The following GAB1 variants were observed in gnomAD, a reference collection of about 807,000 sequenced individuals.
GAB1 encodes the protein GRB2 associated binding protein 1, also known as GRB2-associated-binding protein 1.
Under a neutral mutation model 66.5 loss-of-function variants are expected in GAB1, and 19 were observed. The observed-to-expected ratio is 0.29, with a 90% CI of 0.20 to 0.42. The LOEUF is 0.42. GAB1 is among the 10% of genes least tolerant of loss of function. The probability of loss-of-function intolerance (pLI) is 1.00; values close to 1 mark genes in which losing one functional copy is unlikely to be tolerated. For synonymous variants in GAB1, 294 were observed against 301.4 expected, an observed-to-expected ratio of 0.98 and a Z score of 0.25; for missense variants, 732 against 858.5, an observed-to-expected ratio of 0.85 and a Z score of 1.84.
intron 1 of GAB1, among the ~76,000 whole-genome samples, chr4:143,376,563 C>T (rs770150543): frequency 1.3e-5 from 2 of 152,146 alleles, no homozygotes; most frequent in Non-Finnish European, 2.9e-5. Flanking sequence ...CAAAAAATGA[C>T]TTGCTTTCTA....
chr4:143,439,954 T>C, intron 5 of GAB1, 67 bp downstream of exon 5: 1 of 1,393,982 alleles, frequency 7.2e-7, no homozygotes, highest in Non-Finnish European at 1.0e-6. Context: ...ATTAGTGCCA[T>C]GAGACTAAGT....
intron 1 of GAB1, among the ~76,000 whole-genome samples, chr4:143,350,966 G>A (rs1406632497): frequency 2.0e-5 from 3 of 152,158 alleles, no homozygotes; most frequent in Non-Finnish European, 2.9e-5. Flanking sequence ...ATGCAATGGG[G>A]ATGTGCTCAC....
At chr4:143,352,553 C>A (rs576073273) in intron 1 of GAB1, among the ~76,000 whole-genome samples, 40 of 152,270 alleles carry the variant, frequency 2.6e-4, no homozygotes, top group African/African-American at 9.4e-4. Flanking sequence ...CCTTAAACTT[C>A]AGTGTGCATA....
chr4:143,432,670 T>G (rs935424474), intron 2 of GAB1, among the ~76,000 whole-genome samples: 1 of 152,188 alleles, frequency 6.6e-6, no homozygotes, highest in Non-Finnish European at 1.5e-5. Context: ...CTTCTATTCC[T>G]AAACAGACTA....
intron 2 of GAB1, among the ~76,000 whole-genome samples, chr4:143,428,032 T>C (rs1237503716): frequency 6.6e-6 from 1 of 152,238 alleles, no homozygotes; most frequent in East Asian, 1.9e-4. Flanking sequence ...GGTGGGAATA[T>C]GTGCTCTTAC....
chr4:143,390,799 A>C (rs1170848674), intron 1 of GAB1, among the ~76,000 whole-genome samples: 1 of 152,170 alleles, frequency 6.6e-6, no homozygotes, highest in Admixed American at 6.5e-5. Context: ...TCAGGCACCC[A>C]GATTTCTTCC....
intron 1 of GAB1, among the ~76,000 whole-genome samples, chr4:143,369,172 C>T (rs1288853298): frequency 6.6e-6 from 1 of 151,906 alleles, no homozygotes; most frequent in Non-Finnish European, 1.5e-5. Context: ...AACTCCTGGC[C>T]TCAGGTGATC....
chr4:143,337,139 G>A lies in GAB1; in HGVS notation c.-50G>A, dbSNP rs1728677816. 2.0e-6 allele frequency: 3 copies of A among 1,514,166 alleles called. No homozygotes were observed. Among genetic ancestry groups the A allele is most frequent in the Non-Finnish European group, 2.7e-6 (3 of 1,116,598 alleles). 93.8% of individuals were successfully genotyped at this position (1,514,166 alleles called of 1,614,324 possible). A position where few individuals can be genotyped will look rare whatever the true frequency, so the allele number is the denominator to read the frequency against. ...GGCAGGCGTCGGCTGTGTCGGGAGC[G>A]CGCCCGCCGCCCCTCAGCTGCCCGG... On this transcript the variant is annotated 5_prime_UTR_variant, in exon 1 of 10. Transcript: ENST00000262994.
In GAB1 at chr4:143,416,051, A is replaced by G. The variant is rs111702780; in HGVS notation, c.367+280A>G. On this transcript the variant is annotated intron_variant, in intron 2 of 9. Transcript: ENST00000262994. ...TTAAGAACATTTATTGAATTCCAAT[A>G]TAAATATTCAGTTTAACCATATAAC... 1.9e-3 allele frequency among the ~76,000 whole-genome samples: 282 copies of G among 152,312 alleles called. 2 individuals are homozygous for G. Among genetic ancestry groups the G allele is most frequent in the African/African-American group, 6.4e-3 (267 of 41,566 alleles).
At chr4:143,373,458 T>C (rs1730238695) in intron 1 of GAB1, among the ~76,000 whole-genome samples, 1 of 152,230 alleles carries the variant, frequency 6.6e-6, no homozygotes, top group African/African-American at 2.4e-5. Context: ...TTCTGCATTT[T>C]ATCCAAACAT....
intron 1 of GAB1, among the ~76,000 whole-genome samples, chr4:143,352,207 A>G (rs144906067): frequency 6.6e-6 from 1 of 152,328 alleles, no homozygotes; most frequent in Non-Finnish European, 1.5e-5. Context: ...CTTGGCTGCA[A>G]TATCACCATT....
rs77456794 is a variant in GAB1 at position 143,361,627 on chromosome 4, T to C, written c.72+24367T>C. 2.0e-3 allele frequency among the ~76,000 whole-genome samples: 312 copies of C among 152,310 alleles called. 2 individuals are homozygous for C. Among genetic ancestry groups the C allele is most frequent in the African/African-American group, 7.1e-3 (295 of 41,572 alleles). On this transcript the variant is annotated intron_variant, in intron 1 of 9. Transcript: ENST00000262994. ...TGCTGAACTGATCTGGGGAATATAT[T>C]GCCACTGCCTCCTGGCACATGATCA...
intron 2 of GAB1, among the ~76,000 whole-genome samples, chr4:143,422,582 T>C (rs1733086040): frequency 1.3e-5 from 2 of 152,196 alleles, no homozygotes; most frequent in Admixed American, 1.3e-4. Context: ...TAAGTAATTA[T>C]TTTGAATGTT....
intron 3 of GAB1, 51 bp from the exon 4 acceptor site, chr4:143,437,948 G>A (rs1410072319): frequency 6.6e-7 from 1 of 1,520,356 alleles, no homozygotes; most frequent in South Asian, 1.3e-5. Context: ...TATAAAAAAT[G>A]TATTCTTAGT....
intron 1 of GAB1, among the ~76,000 whole-genome samples, chr4:143,365,067 C>T (rs893399413): frequency 2.6e-5 from 4 of 151,272 alleles, no homozygotes; most frequent in East Asian, 3.9e-4. Context: ...TTAGTAGAGA[C>T]GGGGTTTCAC....
chr4:143,472,441 AC>A lies in GAB1; in HGVS notation c.*3254del, dbSNP rs1221719369. On this transcript the variant is annotated 3_prime_UTR_variant, in exon 10 of 10. Coordinates refer to ENST00000262994, the MANE Select transcript of GAB1 (RefSeq NM_002039.4). ...AATGCATTTAAACCTGAAATTGAAC[AC>A]CAGTGTTTTTCTTTTTCTACTTATG... 6.6e-6 allele frequency: 1 copy of A among 152,194 alleles called. No individual in the cohort carries two copies. The highest frequency in any genetic ancestry group is 1.5e-5 in the Non-Finnish European group (1 of 68,038). 9.4% of individuals were successfully genotyped at this position (152,194 alleles called of 1,614,324 possible).
Position 143,474,440 on chromosome 4 carries a change from A to G in GAB1, c.*5251A>G, listed in dbSNP as rs370789253. On this transcript the variant is annotated 3_prime_UTR_variant, in exon 10 of 10. Coordinates refer to ENST00000262994, the MANE Select transcript of GAB1 (RefSeq NM_002039.4). The stretch of plus-strand genomic sequence containing the variant: ...TTGTGATGGTTAATATTATGTGTCA[A>G]CTTGGTGAGGCTATGGCGCCCATGT... 5.9e-5 allele frequency: 9 copies of G among 152,290 alleles called. No homozygotes were observed. Among genetic ancestry groups the G allele is most frequent in the African/African-American group, 1.9e-4 (8 of 41,568 alleles). The allele number at this position is 152,290 out of a possible 1,614,324, so 9.4% of individuals were successfully genotyped here.
At chr4:143,466,076 G>T in intron 8 of GAB1, 27 bp from the exon 9 acceptor site, 1 of 1,609,938 alleles carries the variant, frequency 6.2e-7, no homozygotes, top group Non-Finnish European at 8.5e-7. Flanking sequence ...ATGTCTGACC[G>T]TTGATTTTGT....
At chr4:143,413,812 C>T (rs945060949) in intron 1 of GAB1, among the ~76,000 whole-genome samples, 1 of 132,626 alleles carries the variant, frequency 7.5e-6, no homozygotes, top group Non-Finnish European at 1.6e-5. Context: ...GCATCCCCAC[C>T]ACCCCGCTGC....
Sources: gnomAD v4.1 joint callset for allele counts (sites outside exome capture counted in the v4.1 genomes callset) on GRCh38, gnomAD v4.1.1 for gene constraint, MANE v1.5 for transcripts, NCBI Gene and HGNC (gene_info 2026-07-23, HGNC 2026-07-21) for gene names.